Variants in PPP3CA observed in about 807,000 individuals in gnomAD.
PPP3CA encodes protein phosphatase 3 catalytic subunit alpha, also known as CAM-PRP catalytic subunit.
PPP3CA carries 14 observed loss-of-function variants against 66.5 expected under a neutral mutation model. That is an observed-to-expected ratio of 0.21 (90% CI 0.14 to 0.33). The LOEUF is 0.33. Among genes scored for constraint, PPP3CA ranks in the 10% least tolerant of loss-of-function variants. The pLI, the probability that PPP3CA is intolerant of heterozygous loss-of-function variation, is 1.00. For missense variants in PPP3CA, 317 were observed against 639.5 expected (o/e 0.50, Z 5.44); for synonymous variants, 232 against 226.2 (o/e 1.03, Z -0.23).
At chr4:101,197,498 C>A (rs996705843) in intron 1 of PPP3CA, among the ~76,000 whole-genome samples, 2 of 152,194 alleles carry the variant, frequency 1.3e-5, no homozygotes, top group Non-Finnish European at 2.9e-5. Context: ...ACCTTGCACT[C>A]TGCACACTCA....
At chr4:101,318,145 T>G (rs1349573859) in intron 1 of PPP3CA, among the ~76,000 whole-genome samples, 2 of 152,186 alleles carry the variant, frequency 1.3e-5, no homozygotes, top group East Asian at 3.8e-4. Context: ...ACACTGGAGT[T>G]GTATTTTTAA....
chr4:101,190,011 T>C (rs1213062521), intron 2 of PPP3CA, among the ~76,000 whole-genome samples: 1 of 152,026 alleles, frequency 6.6e-6, no homozygotes, highest in Non-Finnish European at 1.5e-5. Flanking sequence ...AGATGGAATA[T>C]GGATAAGATT....
Position 101,347,297 on chromosome 4 carries a change from C to T in PPP3CA, c.-501G>A. ...AGTGCCACCAGCCGCACCTTGGCGT[C>T]CCCGGCGGCGGAGAGGCGGCCGCCG... On this transcript the variant is annotated 5_prime_UTR_variant, in exon 1 of 14. Coordinates refer to ENST00000394854, the MANE Select transcript of PPP3CA (RefSeq NM_000944.5). 4.8e-6 allele frequency: 1 copy of T among 208,316 alleles called. No individual in the cohort carries two copies. The highest frequency in any genetic ancestry group is 9.3e-6 in the Non-Finnish European group (1 of 107,446). The allele number at this position is 208,316 out of a possible 1,614,324, so 12.9% of individuals were successfully genotyped here. A position where few individuals can be genotyped will look rare whatever the true frequency, so the allele number is the denominator to read the frequency against.
intron 1 of PPP3CA, among the ~76,000 whole-genome samples, chr4:101,333,847 T>TG (rs1322752447): frequency 1.3e-4 from 20 of 152,206 alleles, no homozygotes; most frequent in Admixed American, 1.2e-3. Flanking sequence ...TAGCCCCTTC[T>TG]GCTATTAAAG....
intron 1 of PPP3CA, among the ~76,000 whole-genome samples, chr4:101,279,237 A>C (rs1727605576): frequency 6.6e-6 from 1 of 152,232 alleles, no homozygotes; most frequent in Admixed American, 6.5e-5. Context: ...AAGGTCAAAA[A>C]AAAATGTGTG....
intron 1 of PPP3CA, among the ~76,000 whole-genome samples, chr4:101,328,650 T>C (rs1729278513): frequency 6.6e-6 from 1 of 152,222 alleles, no homozygotes; most frequent in South Asian, 2.1e-4. Flanking sequence ...TGAAGATTTA[T>C]AGCAATTCTG....
intron 1 of PPP3CA, among the ~76,000 whole-genome samples, chr4:101,345,391 C>T (rs981847239): frequency 3.3e-5 from 5 of 152,270 alleles, no homozygotes; most frequent in East Asian, 3.9e-4. Flanking sequence ...CTTTTAAGTG[C>T]TCATGGTGCA....
At chr4:101,180,396 A>G (rs946326856) in intron 2 of PPP3CA, among the ~76,000 whole-genome samples, 1 of 152,124 alleles carries the variant, frequency 6.6e-6, no homozygotes, top group Non-Finnish European at 1.5e-5. Context: ...TAACTGAGAC[A>G]AAAAAGGACA....
At chr4:101,198,335 T>C (rs1476986788) in intron 1 of PPP3CA, among the ~76,000 whole-genome samples, 1 of 152,208 alleles carries the variant, frequency 6.6e-6, no homozygotes, top group East Asian at 1.9e-4. Flanking sequence ...GAAAATATCT[T>C]ACCTGGCAAC....
rs987707176 is a variant in PPP3CA at position 101,029,900 on chromosome 4, A to G, written c.1340-705T>C. 2.4e-4 allele frequency among the ~76,000 whole-genome samples: 36 copies of G among 151,766 alleles called. 1 individual carries two copies. Among genetic ancestry groups the G allele is most frequent in the Non-Finnish European group, 5.9e-5 (4 of 67,964 alleles). Reference sequence around the variant, plus strand: ...ACTTCGTTTTCCAGCAAGCCCAATTATGTTTTCTTTTCCTTAGTGGAATAT... The same window carrying G: ...ACTTCGTTTTCCAGCAAGCCCAATTGTGTTTTCTTTTCCTTAGTGGAATAT... On this transcript the variant is annotated intron_variant, in intron 12 of 13. Transcript: ENST00000394854.
intron 2 of PPP3CA, among the ~76,000 whole-genome samples, chr4:101,133,256 C>T (rs1007793131): frequency 1.3e-5 from 2 of 152,120 alleles, no homozygotes; most frequent in African/African-American, 4.8e-5. Context: ...CCAGGGCAGT[C>T]AGGCAAGAGA....
At chr4:101,245,674 T>C (rs545733387) in intron 1 of PPP3CA, among the ~76,000 whole-genome samples, 3 of 152,104 alleles carry the variant, frequency 2.0e-5, no homozygotes, top group African/African-American at 7.2e-5. Context: ...CTATATTGGT[T>C]CCATCAATAT....
At position 101,069,075 on chromosome 4, in the gene PPP3CA, C is replaced by T. The variant is rs201020225; in HGVS notation, c.956-5718G>A. 3.3e-5 allele frequency among the ~76,000 whole-genome samples: 5 copies of T among 152,058 alleles called. No homozygotes were observed. In the East Asian group the frequency reaches 9.7e-4, roughly 29 times the overall value. On this transcript the variant is annotated intron_variant, in intron 8 of 13. Transcript: ENST00000394854. Reference sequence around the variant, plus strand: ...CAAGAGATGGGGTCTTGCTCTGTTGCTCAGGCTGGAATGCAATGGCACAAT... The same window carrying T: ...CAAGAGATGGGGTCTTGCTCTGTTGTTCAGGCTGGAATGCAATGGCACAAT...
chr4:101,293,277 TC>T (rs1208013124), intron 1 of PPP3CA, among the ~76,000 whole-genome samples: 2 of 151,956 alleles, frequency 1.3e-5, no homozygotes, highest in African/African-American at 2.4e-5. Flanking sequence ...AATAATATTA[TC>T]CCCCCTTTTC....
chr4:101,101,770 C>G (rs1252724540), intron 3 of PPP3CA, among the ~76,000 whole-genome samples: 1 of 152,122 alleles, frequency 6.6e-6, no homozygotes, highest in African/African-American at 2.4e-5. Context: ...CAGATGGCTC[C>G]TTTCAGCCTC....
chr4:101,137,555 T>C (rs796893044), intron 2 of PPP3CA, among the ~76,000 whole-genome samples: 31 of 152,134 alleles, frequency 2.0e-4, no homozygotes, highest in African/African-American at 7.2e-4. Flanking sequence ...AATGCCAGTA[T>C]CCCTTCCCTA....
At chr4:101,053,491 G>A (rs560430306) in intron 10 of PPP3CA, among the ~76,000 whole-genome samples, 1 of 152,172 alleles carries the variant, frequency 6.6e-6, no homozygotes, top group Admixed American at 6.6e-5. Flanking sequence ...TTAATTTTGT[G>A]AGATTTTATT....
At chr4:101,039,713 A>G (rs1230270007) in intron 11 of PPP3CA, among the ~76,000 whole-genome samples, 1 of 144,512 alleles carries the variant, frequency 6.9e-6, no homozygotes, top group African/African-American at 2.5e-5. Flanking sequence ...TCGATACTCT[A>G]TGAGAAAGAG....
chr4:101,228,981 A>T (rs369979976), intron 1 of PPP3CA, among the ~76,000 whole-genome samples: 2 of 151,806 alleles, frequency 1.3e-5, no homozygotes, highest in African/African-American at 4.8e-5. Flanking sequence ...GACAACCAGC[A>T]TGCAAACTCC....
Sources: gnomAD v4.1 joint callset for allele counts (sites outside exome capture counted in the v4.1 genomes callset) on GRCh38, gnomAD v4.1.1 for gene constraint, MANE v1.5 for transcripts, NCBI Gene and HGNC (gene_info 2026-07-23, HGNC 2026-07-21) for gene names.